The following PUS7 variants were observed in gnomAD, a reference collection of about 807,000 sequenced individuals.
PUS7 encodes the protein pseudouridylate synthase 7 homolog.
PUS7 carries 48 observed loss-of-function variants against 79.8 expected under a neutral mutation model. The ratio of observed to expected loss-of-function variants is 0.60; its 90% CI spans 0.48 to 0.76. PUS7 has a LOEUF of 0.76. Among genes scored for constraint, PUS7 ranks in the 30% least tolerant of loss-of-function variants. The pLI is 0.00. For synonymous variants in PUS7, 286 were observed against 272.2 expected (o/e 1.05, Z -0.50); for missense variants, 729 against 797.6 (o/e 0.91, Z 1.04).
At chr7:105,521,148 T>A (rs975817467) in intron 1 of PUS7, among the ~76,000 whole-genome samples, 1 of 126,734 alleles carries the variant, frequency 7.9e-6, no homozygotes, top group African/African-American at 2.5e-5. Flanking sequence ...TTGTACAGTC[T>A]GATTTTCGAC....
intron 6 of PUS7, among the ~76,000 whole-genome samples, chr7:105,492,439 T>C (rs11769833): frequency 0.96 from 144,853 of 151,052 alleles, 69,484 homozygotes; most frequent in African/African-American, 0.99. Flanking sequence ...ATTCTCCTGC[T>C]TCAGCCTCCC....
chr7:105,476,006 T>C (rs1824092818), intron 9 of PUS7, among the ~76,000 whole-genome samples: 1 of 151,270 alleles, frequency 6.6e-6, no homozygotes, highest in Non-Finnish European at 1.5e-5. Flanking sequence ...ACCCACGTGA[T>C]AGCACGTGTC....
chr7:105,500,885 C>T (rs925276296), intron 5 of PUS7, among the ~76,000 whole-genome samples: 2 of 152,194 alleles, frequency 1.3e-5, no homozygotes, highest in Non-Finnish European at 2.9e-5. Context: ...ATTAAAGAAA[C>T]ACACAGCAAC....
intron 6 of PUS7, among the ~76,000 whole-genome samples, chr7:105,493,803 A>G (rs1824895329): frequency 6.6e-6 from 1 of 152,222 alleles, no homozygotes; most frequent in Non-Finnish European, 1.5e-5. Context: ...CCGGAAAAAA[A>G]ACAAACTTGC....
chr7:105,474,916 G>T (rs973450578), intron 9 of PUS7, among the ~76,000 whole-genome samples: 1 of 152,184 alleles, frequency 6.6e-6, no homozygotes, highest in Non-Finnish European at 1.5e-5. Flanking sequence ...ATTGTCCATG[G>T]CTGCTTTTGC....
chr7:105,494,973 T>TAAAAA (rs1200372702), intron 6 of PUS7, among the ~76,000 whole-genome samples, 169 bp downstream of exon 6: 5 of 85,852 alleles, frequency 5.8e-5, no homozygotes, highest in South Asian at 3.7e-4. Context: ...TGAGACTGTC[T>TAAAAA]AAAAAAAAAA....
intron 3 of PUS7, 52 bp downstream of exon 3, chr7:105,506,137 G>C (rs1198881264): frequency 1.6e-5 from 23 of 1,455,248 alleles, no homozygotes; most frequent in Non-Finnish European, 2.1e-5. Flanking sequence ...TAAATCTCTA[G>C]GAAATGCTAT....
chr7:105,520,964 C>T (rs1261467459), intron 1 of PUS7, among the ~76,000 whole-genome samples: 7 of 151,518 alleles, frequency 4.6e-5, no homozygotes, highest in Non-Finnish European at 8.8e-5. Context: ...GCGATGATCA[C>T]GCAACTGCAC....
At position 105,518,101 on chromosome 7, in the gene PUS7, T is replaced by C. The variant is rs958312394; in HGVS notation, c.-33+3951A>G. ...AGACAGAAGTCGCAGTGAGCCGAGA[T>C]TGCGCCACTGCACTCCAGCCTGGGT... On this transcript the variant is annotated intron_variant, in intron 1 of 15. Transcript: ENST00000469408. Among the ~76,000 whole-genome samples the C allele has an allele frequency of 2.6e-5, 4 of 152,008 alleles. No individual in the cohort carries two copies. In the East Asian group the frequency reaches 5.9e-4, roughly 22 times the overall value.
chr7:105,495,865 CAATGT>C (rs1278064654), intron 5 of PUS7, among the ~76,000 whole-genome samples: 1 of 152,028 alleles, frequency 6.6e-6, no homozygotes, highest in Non-Finnish European at 1.5e-5. Flanking sequence ...CTGTGTTAAA[CAATGT>C]AAGATTTAGG....
intron 7 of PUS7, among the ~76,000 whole-genome samples, chr7:105,486,561 C>T (rs1488875255): frequency 3.9e-5 from 6 of 152,008 alleles, no homozygotes; most frequent in African/African-American, 1.2e-4. Flanking sequence ...AATCTAGAAG[C>T]GGAGGATCAG....
rs1265179287 is a variant in PUS7, at chr7:105,470,712, CTTCA to C, written c.1370_1373del (p.Met457ArgfsTer3). On this transcript the variant is annotated frameshift_variant, in exon 11 of 16. Coordinates refer to ENST00000469408, the MANE Select transcript of PUS7 (RefSeq NM_019042.5). LOFTEE classifies it high-confidence loss of function. ...CTATGCCAAATGCAGAGACTATATT[CTTCA>C]TTCCATATTTTGAAAGTCCTCGAAG... The C allele has an allele frequency of 6.2e-7, 1 of 1,608,322 alleles. No homozygotes were observed. Among genetic ancestry groups the C allele is most frequent in the East Asian group, 2.2e-5 (1 of 44,742 alleles).
rs1823835534 is a variant in PUS7, at chr7:105,470,683, C to T, written c.1398+5G>A. On this transcript the variant is annotated splice_donor_5th_base_variant and intron_variant, in intron 11 of 15. Transcript: ENST00000469408. The stretch of plus-strand genomic sequence containing the variant: ...CCATTGCCTGACTTCACAAATTGCA[C>T]TCACTATGCCAAATGCAGAGACTAT... 2 of 1,557,298 alleles carry T rather than the reference C, an allele frequency of 1.3e-6. No individual in the cohort carries two copies. The highest frequency in any genetic ancestry group is 8.7e-7 in the Non-Finnish European group (1 of 1,147,082).
At chr7:105,476,123 CAAAAAAAAAA>C (rs958626613) in intron 9 of PUS7, among the ~76,000 whole-genome samples, 1 of 39,174 alleles carries the variant, frequency 2.6e-5, no homozygotes, top group East Asian at 1.0e-3. Flanking sequence ...GACTCCGTCT[CAAAAAAAAAA>C]AAAAAAAAAA....
chr7:105,463,344 C>T (rs1823511035), intron 13 of PUS7, among the ~76,000 whole-genome samples: 1 of 152,198 alleles, frequency 6.6e-6, no homozygotes, highest in Admixed American at 6.5e-5. Flanking sequence ...TCTGTTGACG[C>T]TTTGGAACAC....
At chr7:105,510,729 G>A (rs543479803) in intron 1 of PUS7, among the ~76,000 whole-genome samples, 1 of 151,962 alleles carries the variant, frequency 6.6e-6, no homozygotes, top group Admixed American at 6.5e-5. Context: ...TGGCCAGGCT[G>A]CTCTCGAACT....
intron 10 of PUS7, among the ~76,000 whole-genome samples, chr7:105,471,884 C>A (rs1424450888): frequency 9.4e-5 from 14 of 148,534 alleles, no homozygotes; most frequent in Non-Finnish European, 1.6e-4. Context: ...TGCACTCCAG[C>A]CTGGGAAACA....
At chr7:105,521,565 C>T (rs1826114174) in intron 1 of PUS7, among the ~76,000 whole-genome samples, 1 of 152,214 alleles carries the variant, frequency 6.6e-6, no homozygotes, top group South Asian at 2.1e-4. Flanking sequence ...TCCCAGTGAG[C>T]GGCGACGCAG....
At chr7:105,465,461 G>A (rs1473944895) in intron 12 of PUS7, 47 bp from the exon 13 acceptor site, 2 of 1,333,276 alleles carry the variant, frequency 1.5e-6, no homozygotes, top group South Asian at 1.2e-5. Flanking sequence ...AGGCAATATT[G>A]TTATGAACTC....
Sources: allele counts gnomAD v4.1 joint callset (sites outside exome capture counted in the v4.1 genomes callset), GRCh38; gene constraint gnomAD v4.1.1; transcripts MANE v1.5; gene names NCBI Gene and HGNC (gene_info 2026-07-23, HGNC 2026-07-21).